Variants in KCNIP4 observed in about 807,000 individuals in gnomAD.
KCNIP4 encodes the protein potassium voltage-gated channel interacting protein 4.
Under a neutral mutation model 34.0 loss-of-function variants are expected in KCNIP4, and 12 were observed. That is an observed-to-expected ratio of 0.35 (90% CI 0.23 to 0.57). The LOEUF (loss-of-function observed/expected upper bound fraction) is 0.57, where lower values mean the gene tolerates loss of function less well. Ranked by LOEUF, KCNIP4 falls within the 20% of genes least tolerant of loss-of-function variation. The pLI is 0.83. For synonymous variants in KCNIP4, 124 were observed against 102.2 expected, an observed-to-expected ratio of 1.21 and a Z score of -1.29; for missense variants, 238 against 311.7, an observed-to-expected ratio of 0.76 and a Z score of 1.78.
intron 1 of KCNIP4, among the ~76,000 whole-genome samples, chr4:21,755,516 C>A (rs1385988563): frequency 1.3e-5 from 2 of 152,120 alleles, no homozygotes; most frequent in African/African-American, 4.8e-5. Flanking sequence ...GGGCTAGTGA[C>A]AGTCAGGAAC....
rs552201018 is a variant in KCNIP4 at position 21,181,023 on chromosome 4, T to C, written c.62-298314A>G. The stretch of plus-strand genomic sequence containing the variant: ...CAACATTCTTGCTAACTTTAGTATA[T>C]GTTAGGTTTCAAATACCAAGAACAG... On this transcript the variant is annotated intron_variant, in intron 1 of 8. Coordinates refer to ENST00000382152, the MANE Select transcript of KCNIP4 (RefSeq NM_025221.6). Among the ~76,000 whole-genome samples, 13 of 152,256 alleles carry C rather than the reference T, an allele frequency of 8.5e-5. No homozygotes were observed. The South Asian group carries it at 2.7e-3, about 32-fold the overall frequency.
intron 3 of KCNIP4, among the ~76,000 whole-genome samples, chr4:20,764,873 A>G (rs1202404756): frequency 6.6e-6 from 1 of 152,208 alleles, no homozygotes; most frequent in Non-Finnish European, 1.5e-5. Flanking sequence ...CAGCCGGACC[A>G]CATCACCACA....
At chr4:21,609,214 T>A (rs1224113385) in intron 1 of KCNIP4, among the ~76,000 whole-genome samples, 2 of 152,120 alleles carry the variant, frequency 1.3e-5, no homozygotes, top group African/African-American at 2.4e-5. Context: ...TTGTGAATAA[T>A]GAGAAAAATA....
intron 1 of KCNIP4, among the ~76,000 whole-genome samples, chr4:21,501,254 A>T (rs1431956691): frequency 2.6e-5 from 4 of 151,036 alleles, no homozygotes; most frequent in African/African-American, 7.3e-5. Flanking sequence ...TCTCTCACAC[A>T]CACACACACA....
chr4:21,799,950 G>T (rs899604520), intron 1 of KCNIP4, among the ~76,000 whole-genome samples: 1 of 151,996 alleles, frequency 6.6e-6, no homozygotes, highest in East Asian at 1.9e-4. Context: ...GTGACTATAC[G>T]ACTGCAAAGT....
At chr4:21,938,341 G>C (rs1261001597) in intron 1 of KCNIP4, among the ~76,000 whole-genome samples, 1 of 151,926 alleles carries the variant, frequency 6.6e-6, no homozygotes, top group Non-Finnish European at 1.5e-5. Flanking sequence ...CTTTTCCATG[G>C]GATATTTTTC....
At chr4:20,919,329 A>G (rs575417471) in intron 1 of KCNIP4, among the ~76,000 whole-genome samples, 1 of 152,110 alleles carries the variant, frequency 6.6e-6, no homozygotes, top group South Asian at 2.1e-4. Flanking sequence ...ATGATGGATG[A>G]GTCCTTGCTC....
chr4:21,379,050 G>A (rs1721234256), intron 1 of KCNIP4, among the ~76,000 whole-genome samples: 1 of 152,100 alleles, frequency 6.6e-6, no homozygotes, highest in Admixed American at 6.6e-5. Flanking sequence ...CTATGCATGA[G>A]CAATATATCA....
chr4:21,777,904 G>A (rs1471222), intron 1 of KCNIP4, among the ~76,000 whole-genome samples: 88,907 of 151,966 alleles, frequency 0.59, 28,298 homozygotes, highest in Non-Finnish European at 0.73. Context: ...CCAAACCAAG[G>A]GAACATTTGC....
At chr4:21,806,731 A>G (rs1721321584) in intron 1 of KCNIP4, among the ~76,000 whole-genome samples, 1 of 152,164 alleles carries the variant, frequency 6.6e-6, no homozygotes, top group Admixed American at 6.6e-5. Context: ...AAAACATATG[A>G]GAAGTATCAA....
At chr4:21,283,523 T>C (rs972694464) in intron 1 of KCNIP4, among the ~76,000 whole-genome samples, 4 of 151,954 alleles carry the variant, frequency 2.6e-5, no homozygotes, top group Non-Finnish European at 1.5e-5. Flanking sequence ...TCTTGTATGA[T>C]ATTCAAATAT....
At chr4:21,700,898 T>C (rs1457766403) in intron 1 of KCNIP4, among the ~76,000 whole-genome samples, 2 of 152,154 alleles carry the variant, frequency 1.3e-5, no homozygotes, top group African/African-American at 4.8e-5. Flanking sequence ...TCAAAACTAC[T>C]TCTGGGGATA....
intron 1 of KCNIP4, among the ~76,000 whole-genome samples, chr4:21,144,390 T>C (rs1218322616): frequency 2.0e-5 from 3 of 152,156 alleles, no homozygotes; most frequent in African/African-American, 7.2e-5. Context: ...ATTTCTAAAA[T>C]TTACAGGGCA....
At chr4:21,264,975 T>C (rs767276595) in intron 1 of KCNIP4, among the ~76,000 whole-genome samples, 15 of 152,032 alleles carry the variant, frequency 9.9e-5, no homozygotes, top group Non-Finnish European at 2.2e-4. Flanking sequence ...GACTTGCGCC[T>C]GTGATCCCGG....
intron 1 of KCNIP4, among the ~76,000 whole-genome samples, chr4:21,359,548 C>G (rs1719005164): frequency 6.6e-6 from 1 of 152,070 alleles, no homozygotes; most frequent in African/African-American, 2.4e-5. Context: ...ATAATTATCA[C>G]ACTGTAAACA....
At chr4:20,802,103 A>ATATATATGCTATATATATGC (rs879516027) in intron 3 of KCNIP4, among the ~76,000 whole-genome samples, 5,541 of 127,632 alleles carry the variant, frequency 0.043, 797 homozygotes, top group African/African-American at 0.11. Flanking sequence ...CATATTGCAT[A>ATATATATGCTATATATATGC]TATATATGCT....
chr4:20,870,664 C>T (rs1723353909), intron 2 of KCNIP4, among the ~76,000 whole-genome samples: 1 of 152,114 alleles, frequency 6.6e-6, no homozygotes, highest in East Asian at 1.9e-4. Context: ...CTTTTATACT[C>T]TTCCTGTTTG....
intron 1 of KCNIP4, among the ~76,000 whole-genome samples, chr4:21,019,609 A>G (rs749137589): frequency 3.3e-4 from 51 of 152,316 alleles, no homozygotes; most frequent in South Asian, 2.1e-4. Context: ...TGAGCCAGTC[A>G]CTTGACTTTA....
At chr4:21,059,563 A>C (rs1203090749) in intron 1 of KCNIP4, among the ~76,000 whole-genome samples, 1 of 152,054 alleles carries the variant, frequency 6.6e-6, no homozygotes, top group Non-Finnish European at 1.5e-5. Flanking sequence ...TGGGGACCTA[A>C]GTCCTGGGGA....
Sources: gnomAD v4.1 joint callset for allele counts (sites outside exome capture counted in the v4.1 genomes callset) on GRCh38, gnomAD v4.1.1 for gene constraint, MANE v1.5 for transcripts, NCBI Gene and HGNC (gene_info 2026-07-23, HGNC 2026-07-21) for gene names.